Variants in ARB2A observed in about 807,000 individuals in gnomAD.
The protein encoded by ARB2A is cotranscriptional regulator ARB2A.
the ARB2A span, among the ~76,000 whole-genome samples, chr5:93,630,526 G>T: frequency 2.6e-5 from 4 of 152,302 alleles, no homozygotes; most frequent in African/African-American, 7.2e-5. Context: ...TGCATCATTT[G>T]TGGCTTCTGG....
At chr5:94,019,310 T>C in the ARB2A span, among the ~76,000 whole-genome samples, 2,172 of 152,044 alleles carry the variant, frequency 0.014, 49 homozygotes, top group African/African-American at 0.05. Flanking sequence ...AATTGACAAA[T>C]GGGATCTAAT....
At chr5:93,693,978 G>A in the ARB2A span, among the ~76,000 whole-genome samples, 4,291 of 151,990 alleles carry the variant, frequency 0.028, 190 homozygotes, top group African/African-American at 0.098. Context: ...AAAGGCCTTC[G>A]ACAAAATTCA....
chr5:93,620,238 AAC>A, the ARB2A span: 21 of 152,218 alleles, frequency 1.4e-4, no homozygotes, highest in Non-Finnish European at 2.8e-4. Context: ...TTTTGGTTTT[AAC>A]AGTCTCTTCT....
the ARB2A span, among the ~76,000 whole-genome samples, chr5:93,988,626 G>A: frequency 6.6e-6 from 1 of 152,114 alleles, no homozygotes; most frequent in African/African-American, 2.4e-5. Context: ...AATTTTCAAA[G>A]AGTAGCAACT....
the ARB2A span, among the ~76,000 whole-genome samples, chr5:94,058,809 T>C: frequency 2.6e-5 from 4 of 152,198 alleles, no homozygotes; most frequent in Non-Finnish European, 5.9e-5. Flanking sequence ...AAATCTCATG[T>C]TGAAATGTGA....
the ARB2A span, among the ~76,000 whole-genome samples, chr5:93,897,457 A>T: frequency 6.6e-6 from 1 of 151,838 alleles, no homozygotes; most frequent in Non-Finnish European, 1.5e-5. Flanking sequence ...TCTTACTTCT[A>T]CCTCTTTCCC....
the ARB2A span, among the ~76,000 whole-genome samples, chr5:93,755,825 G>T: frequency 6.6e-6 from 1 of 152,200 alleles, no homozygotes; most frequent in Non-Finnish European, 1.5e-5. Flanking sequence ...TCCACAGGGA[G>T]AAGGAAATCT....
At chr5:93,882,533 C>A in the ARB2A span, among the ~76,000 whole-genome samples, 1 of 150,286 alleles carries the variant, frequency 6.7e-6, no homozygotes, top group African/African-American at 2.4e-5. Flanking sequence ...TTCTTTCTAG[C>A]CTGGCAAACA....
the ARB2A span, among the ~76,000 whole-genome samples, chr5:93,623,186 T>C: frequency 1.3e-5 from 2 of 151,326 alleles, no homozygotes; most frequent in Non-Finnish European, 2.9e-5. Context: ...AAATCAATTG[T>C]AATTCATTTT....
At chr5:93,961,677 T>C in the ARB2A span, among the ~76,000 whole-genome samples, 1 of 151,732 alleles carries the variant, frequency 6.6e-6, no homozygotes, top group Non-Finnish European at 1.5e-5. Flanking sequence ...AGTGAGACTC[T>C]GTCTCAAAAA....
chr5:93,987,037 AG>A, the ARB2A span, among the ~76,000 whole-genome samples: 2 of 152,134 alleles, frequency 1.3e-5, no homozygotes, highest in African/African-American at 4.8e-5. Context: ...TTAAAAAAAA[AG>A]AAAAACTTAA....
At chr5:93,810,194 CG>C in the ARB2A span, among the ~76,000 whole-genome samples, 10 of 147,944 alleles carry the variant, frequency 6.8e-5, no homozygotes, top group Non-Finnish European at 1.0e-4. Flanking sequence ...GTGTAGGTTT[CG>C]TTTTTTTTTT....
chr5:93,966,284 A>G, the ARB2A span, among the ~76,000 whole-genome samples: 12 of 152,096 alleles, frequency 7.9e-5, no homozygotes, highest in African/African-American at 2.7e-4. Flanking sequence ...TTTAATCCAA[A>G]TGAATTCTAC....
the ARB2A span, among the ~76,000 whole-genome samples, chr5:93,925,049 T>G: frequency 6.6e-6 from 1 of 152,108 alleles, no homozygotes; most frequent in Non-Finnish European, 1.5e-5. Context: ...AACTGAAAAT[T>G]TTCAAAATTT....
chr5:93,885,497 A>G, the ARB2A span, among the ~76,000 whole-genome samples: 2 of 151,642 alleles, frequency 1.3e-5, no homozygotes, highest in African/African-American at 2.4e-5. Flanking sequence ...CTAGCATTCT[A>G]CAACTAAATA....
At chr5:93,990,277 GATA>G in the ARB2A span, among the ~76,000 whole-genome samples, 1 of 151,930 alleles carries the variant, frequency 6.6e-6, no homozygotes, top group African/African-American at 2.4e-5. Flanking sequence ...TTGTGAGAGA[GATA>G]ATATCAGCAA....
At chr5:93,654,067 T>TTTTGTCAGCAG in the ARB2A span, among the ~76,000 whole-genome samples, 1 of 152,210 alleles carries the variant, frequency 6.6e-6, no homozygotes, top group Non-Finnish European at 1.5e-5. Flanking sequence ...GGTGTGAAGA[T>TTTTGTCAGCAG]ACAAAAATGA....
the ARB2A span, among the ~76,000 whole-genome samples, chr5:93,930,420 A>G: frequency 6.6e-5 from 10 of 152,230 alleles, no homozygotes; most frequent in Non-Finnish European, 1.2e-4. Flanking sequence ...AGCCCAGAAA[A>G]GTACATCTAA....
chr5:94,103,094 C>T, the ARB2A span, among the ~76,000 whole-genome samples: 2 of 151,954 alleles, frequency 1.3e-5, no homozygotes, highest in Admixed American at 6.6e-5. Context: ...ACCATTGACA[C>T]CATAAAGCAA....
Sources: gnomAD v4.1 joint callset for allele counts (sites outside exome capture counted in the v4.1 genomes callset) on GRCh38, gnomAD v4.1.1 for gene constraint, MANE v1.5 for transcripts, NCBI Gene and HGNC (gene_info 2026-07-23, HGNC 2026-07-21) for gene names.